Variants in AUTS2 observed in about 807,000 individuals in gnomAD.
AUTS2 encodes autism susceptibility gene 2 protein.
AUTS2 carries 17 observed loss-of-function variants against 112.4 expected under a neutral mutation model. That is an observed-to-expected ratio of 0.15 (90% CI 0.10 to 0.23). AUTS2 has a LOEUF of 0.23. AUTS2 is among the 10% of genes least tolerant of loss of function. The pLI, the probability that AUTS2 is intolerant of heterozygous loss-of-function variation, is 1.00. For missense variants in AUTS2, 1,510 were observed against 1,701.6 expected, an observed-to-expected ratio of 0.89 and a Z score of 1.98; for synonymous variants, 751 against 702.7, an observed-to-expected ratio of 1.07 and a Z score of -1.09.
chr7:70,496,595 A>T (rs3094898), intron 5 of AUTS2, among the ~76,000 whole-genome samples: 11 of 64,016 alleles, frequency 1.7e-4, no homozygotes, highest in South Asian at 1.6e-3. Flanking sequence ...CATCAGCATC[A>T]ATCACACACC....
At chr7:70,727,571 C>T (rs1012634045) in intron 6 of AUTS2, among the ~76,000 whole-genome samples, 1 of 152,310 alleles carries the variant, frequency 6.6e-6, no homozygotes, top group African/African-American at 2.4e-5. Context: ...TGGTCTCGAA[C>T]TCCTGATCTC....
intron 5 of AUTS2, among the ~76,000 whole-genome samples, chr7:70,448,102 C>T (rs890854121): frequency 2.6e-5 from 4 of 152,122 alleles, no homozygotes; most frequent in African/African-American, 7.2e-5. Context: ...TGGTGGATTC[C>T]GAATGCTGGA....
At chr7:70,769,218 C>T (rs1318353445) in intron 10 of AUTS2, among the ~76,000 whole-genome samples, 1 of 152,196 alleles carries the variant, frequency 6.6e-6, no homozygotes, top group Admixed American at 6.5e-5. Flanking sequence ...CCTCCTCCCC[C>T]TCCCTCCCAA....
intron 4 of AUTS2, among the ~76,000 whole-genome samples, chr7:70,277,948 GTATGTATGTA>G (rs147294755): frequency 2.1e-5 from 3 of 141,734 alleles, no homozygotes; most frequent in Admixed American, 7.1e-5. Flanking sequence ...GTGTGTGTGT[GTATGTATGTA>G]TGTGTGTGTG....
intron 1 of AUTS2, among the ~76,000 whole-genome samples, chr7:69,755,133 G>C (rs1486762880): frequency 6.6e-6 from 1 of 152,206 alleles, no homozygotes; most frequent in Non-Finnish European, 1.5e-5. Flanking sequence ...CGGACAGGCA[G>C]AGGTGAGTGA....
At chr7:70,000,294 T>A (rs553572863) in intron 2 of AUTS2, among the ~76,000 whole-genome samples, 16 of 152,276 alleles carry the variant, frequency 1.1e-4, no homozygotes, top group African/African-American at 3.4e-4. Context: ...TATGCAATGG[T>A]TGGATCAAAA....
rs915492252 is a variant in AUTS2 at position 70,631,629 on chromosome 7, C to G, written c.691-66940C>G. Among the ~76,000 whole-genome samples the G allele has an allele frequency of 6.6e-6, 1 of 152,086 alleles. No homozygotes were observed. The highest frequency in any genetic ancestry group is 1.9e-4 in the East Asian group (1 of 5,162). ...CGACAAGGGCAGCTATGAAAATGGCCCAGCTGCAGAAAGTCATTCCTCACG... is the reference window on the plus strand; with the variant it reads ...CGACAAGGGCAGCTATGAAAATGGCGCAGCTGCAGAAAGTCATTCCTCACG... On this transcript the variant is annotated intron_variant, in intron 5 of 18. Transcript: ENST00000342771. This position sits in a 1 kb window ranked among gnomAD's most constrained non-coding sequence, Gnocchi z 4.5.
intron 5 of AUTS2, among the ~76,000 whole-genome samples, chr7:70,604,516 G>A (rs1008693644): frequency 6.6e-6 from 1 of 152,224 alleles, no homozygotes; most frequent in African/African-American, 2.4e-5. Flanking sequence ...AAGTTTGAAA[G>A]GAATTGAAAG....
intron 5 of AUTS2, among the ~76,000 whole-genome samples, chr7:70,486,732 C>T (rs1410313824): frequency 6.6e-6 from 1 of 151,750 alleles, no homozygotes; most frequent in Non-Finnish European, 1.5e-5. Context: ...GCACTCCCGC[C>T]TGTGTGACAG....
intron 4 of AUTS2, among the ~76,000 whole-genome samples, chr7:70,393,739 C>T (rs753017929): frequency 3.3e-5 from 5 of 152,182 alleles, no homozygotes; most frequent in Admixed American, 6.5e-5. Context: ...TTCTGTAACA[C>T]GAAGCCCACC....
intron 4 of AUTS2, among the ~76,000 whole-genome samples, chr7:70,140,251 T>C (rs1225174358): frequency 1.3e-5 from 2 of 152,196 alleles, no homozygotes; most frequent in African/African-American, 2.4e-5. Context: ...TATTTAGTTC[T>C]TTATTTTTAT....
At chr7:69,824,421 AT>A (rs1292184099) in intron 1 of AUTS2, 4 of 152,168 alleles carry the variant, frequency 2.6e-5, no homozygotes, top group African/African-American at 7.2e-5. Flanking sequence ...AAAAAAAAAA[AT>A]AAGTGTGATA....
intron 4 of AUTS2, among the ~76,000 whole-genome samples, chr7:70,296,941 A>T (rs1023837846): frequency 4.0e-5 from 6 of 150,470 alleles, no homozygotes; most frequent in Non-Finnish European, 7.4e-5. Context: ...GCTTGGGCTC[A>T]AGTGATTCTC....
At chr7:69,672,226 A>G (rs572056619) in intron 1 of AUTS2, among the ~76,000 whole-genome samples, 2 of 151,820 alleles carry the variant, frequency 1.3e-5, no homozygotes, top group African/African-American at 4.8e-5. Flanking sequence ...TGCCTGGCTA[A>G]TTTTGTATTT....
chr7:70,430,292 G>A (rs1469400518), intron 4 of AUTS2, among the ~76,000 whole-genome samples: 1 of 152,184 alleles, frequency 6.6e-6, no homozygotes, highest in Non-Finnish European at 1.5e-5. Context: ...GTTGAGTCCA[G>A]ATTTAGATGG....
chr7:69,631,938 C>G (rs1794263512), intron 1 of AUTS2, among the ~76,000 whole-genome samples: 2 of 152,174 alleles, frequency 1.3e-5, no homozygotes, highest in African/African-American at 2.4e-5. Context: ...CTCCTCTTCT[C>G]TCTAAGTTGT....
chr7:70,532,443 C>A (rs1023465772), intron 5 of AUTS2, among the ~76,000 whole-genome samples: 2 of 152,016 alleles, frequency 1.3e-5, no homozygotes, highest in African/African-American at 4.8e-5. Context: ...TCAAGAGGAC[C>A]CCTGTTATAT....
chr7:70,459,183 A>G (rs971262562), intron 5 of AUTS2, among the ~76,000 whole-genome samples: 1 of 152,200 alleles, frequency 6.6e-6, no homozygotes, highest in African/African-American at 2.4e-5. Context: ...TCTTCAGGTC[A>G]TTAGTCATGT....
At chr7:69,907,486 C>G (rs1013104054) in intron 2 of AUTS2, among the ~76,000 whole-genome samples, 1 of 152,086 alleles carries the variant, frequency 6.6e-6, no homozygotes, top group Non-Finnish European at 1.5e-5. Context: ...TTTATGTAAC[C>G]AACACACATC....
Sources: gnomAD v4.1 joint callset for allele counts (sites outside exome capture counted in the v4.1 genomes callset) on GRCh38, gnomAD v4.1.1 for gene constraint, Gnocchi (gnomAD v3.1) non-coding constraint, MANE v1.5 for transcripts, NCBI Gene and HGNC (gene_info 2026-07-23, HGNC 2026-07-21) for gene names.